IL18R1: variants seen among roughly 807,000 people sequenced by gnomAD.
The protein encoded by IL18R1 is interleukin 18 receptor 1, also known as interleukin-18 receptor 1.
Under a neutral mutation model 48.5 loss-of-function variants are expected in IL18R1, and 40 were observed. The observed-to-expected ratio is 0.82, with a 90% CI of 0.64 to 1.07. The LOEUF is 1.07. Ranked by LOEUF, IL18R1 falls within the 50% of genes least tolerant of loss-of-function variation. The pLI is 0.00. For synonymous variants in IL18R1, 232 were observed against 225.9 expected (o/e 1.03, Z -0.24); for missense variants, 596 against 633.7 (o/e 0.94, Z 0.64).
At chr2:102,395,983 C>T (rs1036990550) in intron 10 of IL18R1, among the ~76,000 whole-genome samples, 3 of 152,156 alleles carry the variant, frequency 2.0e-5, no homozygotes, top group African/African-American at 7.2e-5. Context: ...CTATCTGGCC[C>T]TTTGCAGAAA....
intron 10 of IL18R1, among the ~76,000 whole-genome samples, chr2:102,395,146 G>A (rs2105135215): frequency 6.6e-6 from 1 of 152,148 alleles, no homozygotes; most frequent in Admixed American, 6.5e-5. Flanking sequence ...CAGGAAAGCG[G>A]TGATCCCCAT....
chr2:102,386,097 G>GCTA (rs1291721657), intron 7 of IL18R1, among the ~76,000 whole-genome samples: 1 of 152,186 alleles, frequency 6.6e-6, no homozygotes, highest in African/African-American at 2.4e-5. Context: ...TGTACTTGAG[G>GCTA]CAGTTGGAGG....
intron 8 of IL18R1, among the ~76,000 whole-genome samples, chr2:102,388,730 G>C (rs1489196051): frequency 6.6e-6 from 1 of 152,182 alleles, no homozygotes; most frequent in East Asian, 1.9e-4. Context: ...TTGCAAATGT[G>C]TGACACAGTT....
intron 9 of IL18R1, among the ~76,000 whole-genome samples, chr2:102,391,540 G>C (rs538608518): frequency 6.6e-6 from 1 of 152,144 alleles, no homozygotes; most frequent in African/African-American, 2.4e-5. Context: ...TAAAAATGCT[G>C]CAATGGACAG....
In IL18R1 at chr2:102,371,949, A is replaced by T; in HGVS notation, c.303-4A>T. On this transcript the variant is annotated splice_region_variant and splice_polypyrimidine_tract_variant and intron_variant, in intron 3 of 10. Transcript: ENST00000233957. ...TAAAATACCTTTACACTTTTATTCC[A>T]TAGAAATTATACTCAGAAATGGAAA... 6.7e-7 allele frequency: 1 copy of T among 1,498,150 alleles called. No homozygotes were observed. Among genetic ancestry groups the T allele is most frequent in the Non-Finnish European group, 9.1e-7 (1 of 1,097,616 alleles). The allele number at this position is 1,498,150 out of a possible 1,614,324, so 92.8% of individuals were successfully genotyped here.
chr2:102,387,241 G>A (rs948918544), intron 8 of IL18R1, among the ~76,000 whole-genome samples: 4 of 152,152 alleles, frequency 2.6e-5, no homozygotes, highest in African/African-American at 7.2e-5. Context: ...GAAATCGGGG[G>A]GCCTGAGGCT....
intron 9 of IL18R1, among the ~76,000 whole-genome samples, chr2:102,392,582 TA>T (rs1680613086): frequency 6.6e-6 from 1 of 152,170 alleles, no homozygotes; most frequent in African/African-American, 2.4e-5. Flanking sequence ...GAGATATAAG[TA>T]TGAAGATAAA....
intron 5 of IL18R1, among the ~76,000 whole-genome samples, chr2:102,377,801 C>A (rs938323327): frequency 6.6e-6 from 1 of 152,158 alleles, no homozygotes; most frequent in African/African-American, 2.4e-5. Flanking sequence ...CCTAGATAAT[C>A]CAGGGTGATC....
chr2:102,367,724 C>G lies in IL18R1; in HGVS notation c.59-101C>G, dbSNP rs903368583. 4.1e-6 allele frequency: 4 copies of G among 976,142 alleles called. No homozygotes were observed. The African/African-American group carries it at 4.9e-5, about 12-fold the overall frequency. The allele number at this position is 976,142 out of a possible 1,614,324, so 60.5% of individuals were successfully genotyped here. ...ACCGAGATTTCTCAGGACTTTCTTG[C>G]TAACCTTGCTTCTTCACCTAATGCA... On this transcript the variant is annotated intron_variant, in intron 2 of 10. Transcript: ENST00000233957.
chr2:102,371,923 A>G, intron 3 of IL18R1, 30 bp from the exon 4 acceptor site: 1 of 1,319,868 alleles, frequency 7.6e-7, no homozygotes, highest in Non-Finnish European at 1.0e-6. Flanking sequence ...CTGTAGCATT[A>G]TAAAATACCT....
chr2:102,387,952 A>G (rs1051674379), intron 8 of IL18R1, among the ~76,000 whole-genome samples: 1 of 152,184 alleles, frequency 6.6e-6, no homozygotes, highest in Non-Finnish European at 1.5e-5. Context: ...ACAGAGGAAC[A>G]GAGAAAGAGG....
chr2:102,371,640 G>A (rs1170151787), intron 3 of IL18R1, among the ~76,000 whole-genome samples: 2 of 152,140 alleles, frequency 1.3e-5, no homozygotes. Flanking sequence ...CACTGACATT[G>A]TAAAGATTTG....
chr2:102,362,106 G>T (rs1678610482), intron 1 of IL18R1, among the ~76,000 whole-genome samples: 1 of 152,204 alleles, frequency 6.6e-6, no homozygotes, highest in Non-Finnish European at 1.5e-5. Context: ...GAGCAAAATA[G>T]ACTTAGTGCC....
chr2:102,376,931 G>A (rs570262278), intron 5 of IL18R1, among the ~76,000 whole-genome samples: 16 of 152,168 alleles, frequency 1.1e-4, no homozygotes, highest in Admixed American at 6.5e-4. Flanking sequence ...ATCCCTTCTC[G>A]TAGCTTCCAA....
chr2:102,381,026 C>A (rs1317276644), intron 5 of IL18R1, among the ~76,000 whole-genome samples: 1 of 152,134 alleles, frequency 6.6e-6, no homozygotes, highest in Non-Finnish European at 1.5e-5. Flanking sequence ...ACTGAGGGGG[C>A]AGAATTTATG....
At chr2:102,373,115 C>A (rs1261279473) in intron 4 of IL18R1, among the ~76,000 whole-genome samples, 1 of 152,132 alleles carries the variant, frequency 6.6e-6, no homozygotes, top group East Asian at 1.9e-4. Flanking sequence ...GGTTTTTTCA[C>A]TTTTCTTAGT....
At chr2:102,386,800 G>A (rs1484443058) in intron 7 of IL18R1, 61 bp from the exon 8 acceptor site, 2 of 1,544,828 alleles carry the variant, frequency 1.3e-6, no homozygotes, top group East Asian at 4.5e-5. Context: ...TTAAACATGT[G>A]AATTCCCCTC....
intron 1 of IL18R1, 91 bp from the exon 2 acceptor site, chr2:102,362,542 A>G (rs1678638354): frequency 1.3e-6 from 1 of 747,258 alleles, no homozygotes; most frequent in Non-Finnish European, 2.1e-6. Flanking sequence ...TTTTTTAAAA[A>G]TCTGTGTGCC....
At chr2:102,376,530 CTG>C (rs1679595613) in intron 5 of IL18R1, among the ~76,000 whole-genome samples, 2 of 152,166 alleles carry the variant, frequency 1.3e-5, no homozygotes, top group South Asian at 2.1e-4. Context: ...ACAGCATCAT[CTG>C]TGAGGCTGCA....
Sources: allele counts gnomAD v4.1 joint callset (sites outside exome capture counted in the v4.1 genomes callset), GRCh38; gene constraint gnomAD v4.1.1; transcripts MANE v1.5; gene names NCBI Gene and HGNC (gene_info 2026-07-23, HGNC 2026-07-21).